CNGA3: variants seen among roughly 807,000 people sequenced by gnomAD.
CNGA3 encodes cyclic nucleotide gated channel subunit alpha 3.
Under a neutral mutation model 46.6 loss-of-function variants are expected in CNGA3, and 42 were observed. The observed-to-expected ratio is 0.90, with a 90% CI of 0.70 to 1.17. The LOEUF is 1.17. Ranked by LOEUF, CNGA3 falls within the 50% of genes most tolerant of loss-of-function variation. CNGA3 has a pLI of 0.00. For missense variants in CNGA3, 893 were observed against 890.7 expected (o/e 1.00, Z -0.03); for synonymous variants, 394 against 369.4 (o/e 1.07, Z -0.76).
At chr2:98,392,515 C>T (rs1412418102) in intron 7 of CNGA3, among the ~76,000 whole-genome samples, 1 of 150,798 alleles carries the variant, frequency 6.6e-6, no homozygotes, top group African/African-American at 2.4e-5. Flanking sequence ...GAGTGGAGAT[C>T]ATGCCACTTC....
intron 1 of CNGA3, 121 bp downstream of exon 1, chr2:98,346,655 T>G: frequency 2.6e-6 from 1 of 391,726 alleles, no homozygotes. Flanking sequence ...GGGATGCTGC[T>G]GCTTCCAGGG....
chr2:98,373,998 C>T (rs1480170046), intron 2 of CNGA3, among the ~76,000 whole-genome samples: 1 of 152,156 alleles, frequency 6.6e-6, no homozygotes, highest in East Asian at 1.9e-4. Context: ...CACATGTGGC[C>T]AATAGCAGTG....
In CNGA3 at chr2:98,378,255, G is replaced by C. The variant is rs565293136; in HGVS notation, c.215+455G>C. The C allele has an allele frequency of 3.5e-5, 54 of 1,532,210 alleles. No homozygotes were observed. The African/African-American group carries it at 5.5e-4, about 16-fold the overall frequency. The allele number at this position is 1,532,210 out of a possible 1,614,324, so 94.9% of individuals were successfully genotyped here. On this transcript the variant is annotated intron_variant, in intron 3 of 7. Transcript: ENST00000272602. ...TCCTTGCAAAAGCATTTGTTTGCAA[G>C]ATTAGTGAGACTCCAAGCTCTGCTT...
rs751611132 is a variant in CNGA3 at position 98,367,167 on chromosome 2, G to GTTTATTTTCC, written c.-37-2769_-37-2768insATTTTCCTTT. Among the ~76,000 whole-genome samples the GTTTATTTTCC allele has an allele frequency of 9.8e-4, 100 of 101,608 alleles. 4 individuals carry two copies. Among genetic ancestry groups the GTTTATTTTCC allele is most frequent in the Non-Finnish European group, 1.5e-3 (69 of 45,334 alleles). 66.7% of individuals were successfully genotyped at this position (101,608 alleles called of 152,430 possible). The stretch of plus-strand genomic sequence containing the variant: ...TTGGTGAGAACCTCTGACATCAGCT[G>GTTTATTTTCC]TTTTTTTTCTTTTTTTTCTTTTTTT... On this transcript the variant is annotated intron_variant, in intron 1 of 7. Coordinates refer to ENST00000272602, the MANE Select transcript of CNGA3 (RefSeq NM_001298.3).
At chr2:98,383,913 G>T (rs1692591402) in intron 5 of CNGA3, among the ~76,000 whole-genome samples, 1 of 152,110 alleles carries the variant, frequency 6.6e-6, no homozygotes, top group South Asian at 2.1e-4. Flanking sequence ...TTGAGATGGA[G>T]TCTTGCTCTG....
chr2:98,392,028 G>C, intron 7 of CNGA3, 58 bp downstream of exon 7: 1 of 1,475,882 alleles, frequency 6.8e-7, no homozygotes, highest in East Asian at 2.3e-5. Flanking sequence ...TGTTCCGGGA[G>C]ACCCAGCATG....
At chr2:98,366,141 G>C (rs1337426725) in intron 1 of CNGA3, among the ~76,000 whole-genome samples, 3 of 152,148 alleles carry the variant, frequency 2.0e-5, no homozygotes, top group Admixed American at 6.5e-5. Flanking sequence ...TCAATAGTCA[G>C]ACCCTTCTTT....
chr2:98,354,173 G>A (rs1164891371), intron 1 of CNGA3, among the ~76,000 whole-genome samples: 2 of 152,102 alleles, frequency 1.3e-5, no homozygotes, highest in African/African-American at 4.8e-5. Context: ...TAAATAGTTT[G>A]CACTGTATTG....
Position 98,391,920 on chromosome 2 carries a change from A to G in CNGA3, c.623A>G (p.Tyr208Cys). Reference sequence around the variant, plus strand: ...CTGATGCTGTGGCTGGTCCTGGACTACTCGGCAGATGTCCTGTATGTCTTG... The same window carrying G: ...CTGATGCTGTGGCTGGTCCTGGACTGCTCGGCAGATGTCCTGTATGTCTTG... ...EYLMLWLVLD[Y>C]SADVLYVLDV... Residue 208 changes from tyrosine to cysteine, a missense_variant, in exon 7 of 8, where the codon TAC becomes TGC. Coordinates refer to ENST00000272602, the MANE Select transcript of CNGA3 (RefSeq NM_001298.3). 1 of 1,614,114 alleles carries G rather than the reference A, an allele frequency of 6.2e-7. No homozygotes were observed. Among genetic ancestry groups the G allele is most frequent in the Non-Finnish European group, 8.5e-7 (1 of 1,180,018 alleles).
In CNGA3 at chr2:98,366,447, C is replaced by T. The variant is rs75614349; in HGVS notation, c.-37-3492C>T. ...TAGCAGAGGGCATGCGCTGCACTTG[C>T]GGGGGATCCCACTCATCCAGACTGC... On this transcript the variant is annotated intron_variant, in intron 1 of 7. Coordinates refer to ENST00000272602, the MANE Select transcript of CNGA3 (RefSeq NM_001298.3). Among the ~76,000 whole-genome samples the T allele has an allele frequency of 1.8e-3, 275 of 152,260 alleles. 3 individuals are homozygous for T. Among genetic ancestry groups the T allele is most frequent in the East Asian group, 0.017 (87 of 5,186 alleles).
intron 1 of CNGA3, among the ~76,000 whole-genome samples, chr2:98,361,025 A>T (rs916246721): frequency 3.0e-5 from 4 of 134,412 alleles, no homozygotes; most frequent in Admixed American, 7.4e-5. Context: ...TATTTTATTT[A>T]TTTTATTTTA....
intron 1 of CNGA3, among the ~76,000 whole-genome samples, chr2:98,348,614 C>A (rs927705760): frequency 6.6e-6 from 1 of 152,148 alleles, no homozygotes; most frequent in Non-Finnish European, 1.5e-5. Context: ...CCCTGCTAAT[C>A]CCCCACCAAC....
intron 1 of CNGA3, among the ~76,000 whole-genome samples, chr2:98,347,432 C>T (rs1691659523): frequency 1.3e-5 from 2 of 152,202 alleles, no homozygotes; most frequent in Admixed American, 1.3e-4. Context: ...GGCGCGCAGG[C>T]CCTCGCAGTC....
chr2:98,372,688 G>T (rs1432770873), intron 2 of CNGA3, among the ~76,000 whole-genome samples: 2 of 152,112 alleles, frequency 1.3e-5, no homozygotes, highest in South Asian at 2.1e-4. Context: ...TTGTGGTGAG[G>T]TTACTGCAGA....
intron 1 of CNGA3, among the ~76,000 whole-genome samples, chr2:98,353,949 G>A: frequency 6.6e-6 from 1 of 152,130 alleles, no homozygotes; most frequent in East Asian, 1.9e-4. Context: ...CAGCACCAAG[G>A]CAGTGGTGCT....
chr2:98,353,228 A>G (rs1190042406), intron 1 of CNGA3, among the ~76,000 whole-genome samples: 2 of 152,184 alleles, frequency 1.3e-5, no homozygotes, highest in Non-Finnish European at 2.9e-5. Context: ...TTTAAGGATC[A>G]ATGGTATATA....
chr2:98,354,103 T>C (rs1691826623), intron 1 of CNGA3, among the ~76,000 whole-genome samples: 1 of 152,250 alleles, frequency 6.6e-6, no homozygotes, highest in African/African-American at 2.4e-5. Flanking sequence ...TCCTGTGTAC[T>C]GTACTTTAAG....
intron 1 of CNGA3, among the ~76,000 whole-genome samples, chr2:98,347,827 A>G (rs1558800094): frequency 6.6e-6 from 1 of 152,236 alleles, no homozygotes; most frequent in East Asian, 1.9e-4. Flanking sequence ...TGCCCCTAAC[A>G]TTATGCACTG....
intron 1 of CNGA3, among the ~76,000 whole-genome samples, chr2:98,349,212 G>T (rs1312735109): frequency 6.6e-6 from 1 of 152,102 alleles, no homozygotes; most frequent in African/African-American, 2.4e-5. Context: ...GCTGGAAAAT[G>T]CAGGAGGCAC....
Sources: gnomAD v4.1 joint callset for allele counts (sites outside exome capture counted in the v4.1 genomes callset) on GRCh38, gnomAD v4.1.1 for gene constraint, MANE v1.5 for transcripts, NCBI Gene and HGNC (gene_info 2026-07-23, HGNC 2026-07-21) for gene names.